Variants in BMS1 observed in about 807,000 individuals in gnomAD.
The protein encoded by BMS1 is ribosome biogenesis protein BMS1 homolog.
A neutral mutation model predicts 138.7 loss-of-function variants in BMS1; 53 were observed. The observed-to-expected ratio is 0.38, with a 90% CI of 0.31 to 0.48. BMS1 has a LOEUF of 0.48. Among genes scored for constraint, BMS1 ranks in the 20% least tolerant of loss-of-function variants. BMS1 has a pLI of 0.97. For missense variants in BMS1, 1,360 were observed against 1,565.5 expected (o/e 0.87, Z 2.22); for synonymous variants, 504 against 539.9 (o/e 0.93, Z 0.92).
chr10:42,793,685 G>T (rs1263610935), intron 8 of BMS1, among the ~76,000 whole-genome samples, 167 bp from the exon 9 acceptor site: 2 of 152,176 alleles, frequency 1.3e-5, no homozygotes, highest in East Asian at 3.9e-4. Flanking sequence ...TGGAGATGGG[G>T]ATCCATTTCA....
chr10:42,820,320 G>A lies in BMS1; in HGVS notation c.2665G>A (p.Glu889Lys). ...TCGACCTGGGATGTACGTCCGCATT[G>A]AGATTGAAAATGTTCCCTGTGAATT... is the stretch of plus-strand genomic sequence containing the variant. Reference protein sequence around the residue: ...GFRPGMYVRIEIENVPCEFVQ... With the variant: ...GFRPGMYVRIKIENVPCEFVQ... The change falls in exon 16 of 23, where the codon GAG becomes AAG. Residue 889 changes from glutamate (E) to lysine (K), a missense_variant. Around this residue, in one of 3 missense-constraint regions of BMS1, gnomAD observed 425 missense variants for 568.3 expected, o/e 0.75. Transcript: ENST00000374518. The A allele has an allele frequency of 4.3e-6, 7 of 1,613,758 alleles. No individual in the cohort carries two copies. Among genetic ancestry groups the A allele is most frequent in the Non-Finnish European group, 5.1e-6 (6 of 1,179,862 alleles).
rs879940551 is a variant in BMS1, at chr10:42,811,520, C to CTTTTTTTTTTTTT, written c.2330-5074_2330-5073insTTTTTTTTTTTTT. ...CACAAATGTTCACGTGTTGTATTTT[C>CTTTTTTTTTTTTT]TTTTTCTTTTTTTTTTTTTTTTGAG... On this transcript the variant is annotated intron_variant, in intron 13 of 22. Transcript: ENST00000374518. Among the ~76,000 whole-genome samples the CTTTTTTTTTTTTT allele has an allele frequency of 2.5e-5, 3 of 121,568 alleles. 1 individual carries two copies. Among genetic ancestry groups the CTTTTTTTTTTTTT allele is most frequent in the African/African-American group, 1.0e-4 (3 of 29,838 alleles). The allele number at this position is 121,568 out of a possible 152,430, so 79.8% of individuals were successfully genotyped here. A position where few individuals can be genotyped will look rare whatever the true frequency, so the allele number is the denominator to read the frequency against.
At chr10:42,816,971 T>A (rs1365884837) in intron 14 of BMS1, among the ~76,000 whole-genome samples, 1 of 152,234 alleles carries the variant, frequency 6.6e-6, no homozygotes, top group African/African-American at 2.4e-5. Context: ...CTCCTTTTTT[T>A]AAATTTAAGT....
rs1842825813 is a variant in BMS1, at chr10:42,832,953, A to T, written c.*1857A>T. ...TTCAACTAAAATATACAAGGCACTC[A>T]AGTCATACCATGTTTTAAGTAGCTT... On this transcript the variant is annotated 3_prime_UTR_variant, in exon 23 of 23. Transcript: ENST00000374518. The T allele has an allele frequency of 6.6e-6, 1 of 152,262 alleles. No homozygotes were observed. The highest frequency in any genetic ancestry group is 2.1e-4 in the South Asian group (1 of 4,836). The allele number at this position is 152,262 out of a possible 1,614,324, so 9.4% of individuals were successfully genotyped here.
chr10:42,791,814 A>G, intron 6 of BMS1, 45 bp downstream of exon 6: 1 of 1,561,016 alleles, frequency 6.4e-7, no homozygotes, highest in East Asian at 2.3e-5. Flanking sequence ...CATATATTTC[A>G]AAGCTAAAAA....
intron 4 of BMS1, among the ~76,000 whole-genome samples, chr10:42,789,578 A>G (rs1348272941): frequency 7.0e-6 from 1 of 142,320 alleles, no homozygotes; most frequent in African/African-American, 2.7e-5. Flanking sequence ...ACTACCATTC[A>G]TCGTAATCTT....
At chr10:42,830,622 G>A (rs1452363291) in intron 22 of BMS1, among the ~76,000 whole-genome samples, 200 bp downstream of exon 22, 1 of 152,024 alleles carries the variant, frequency 6.6e-6, no homozygotes, top group Admixed American at 6.5e-5. Context: ...CAGGTACATG[G>A]CTGGGGAACC....
chr10:42,798,575 G>A lies in BMS1; in HGVS notation c.2197G>A (p.Asp733Asn). ...RECKHKADSL[D>N]CSRFLVEAPH... is the part of the protein sequence containing the mutation. ...GTGTAAGCACAAGGCTGACTCTTTGGACTGCTCCAGATTTCTTGTGGAGGC... is the reference window on the plus strand; with the variant it reads ...GTGTAAGCACAAGGCTGACTCTTTGAACTGCTCCAGATTTCTTGTGGAGGC... Residue 733 changes from aspartate (D) to asparagine (N), a missense_variant, in exon 12 of 23, where the codon GAC becomes AAC. Physicochemically the swap from Asp to Asn is conservative, Grantham distance 23. This residue lies in a region of BMS1 where 697 missense variants were observed against 686.2 expected (regional missense o/e 1.02). Coordinates refer to ENST00000374518, the MANE Select transcript of BMS1 (RefSeq NM_014753.4). 1 of 1,614,244 alleles carries A rather than the reference G, an allele frequency of 6.2e-7. No individual in the cohort carries two copies. The highest frequency in any genetic ancestry group is 2.2e-5 in the East Asian group (1 of 44,892).
chr10:42,805,615 A>G (rs1841990182), intron 13 of BMS1, among the ~76,000 whole-genome samples: 1 of 152,202 alleles, frequency 6.6e-6, no homozygotes, highest in Admixed American at 6.5e-5. Flanking sequence ...CTGATCTATG[A>G]ACATAGTAAC....
rs879940551 is a variant in BMS1 at position 42,811,520 on chromosome 10, C to CTTTTTTTTTT, written c.2330-5074_2330-5073insTTTTTTTTTT. On this transcript the variant is annotated intron_variant, in intron 13 of 22. Transcript: ENST00000374518. Reference sequence around the variant, plus strand: ...CACAAATGTTCACGTGTTGTATTTTCTTTTTCTTTTTTTTTTTTTTTTGAG... The same window carrying CTTTTTTTTTT: ...CACAAATGTTCACGTGTTGTATTTTCTTTTTTTTTTTTTTTCTTTTTTTTTTTTTTTTGAG... Among the ~76,000 whole-genome samples, 20 of 121,578 alleles carry CTTTTTTTTTT rather than the reference C, an allele frequency of 1.6e-4. 3 individuals are homozygous for CTTTTTTTTTT. Among genetic ancestry groups the CTTTTTTTTTT allele is most frequent in the African/African-American group, 5.4e-4 (16 of 29,872 alleles). The allele number at this position is 121,578 out of a possible 152,430, so 79.8% of individuals were successfully genotyped here.
chr10:42,794,444 G>C (rs1157660189), intron 9 of BMS1, among the ~76,000 whole-genome samples: 1 of 151,682 alleles, frequency 6.6e-6, no homozygotes, highest in Non-Finnish European at 1.5e-5. Flanking sequence ...TTCCAGTCTG[G>C]GTTGGGGATT....
intron 13 of BMS1, among the ~76,000 whole-genome samples, chr10:42,806,868 A>AG (rs1227817561): frequency 2.2e-4 from 32 of 143,790 alleles, no homozygotes; most frequent in Non-Finnish European, 6.1e-5. Context: ...ACAAATACAG[A>AG]GAAAAAAAAA....
intron 1 of BMS1, among the ~76,000 whole-genome samples, 188 bp downstream of exon 1, chr10:42,783,018 C>G (rs1841203694): frequency 6.6e-6 from 1 of 151,822 alleles, no homozygotes; most frequent in African/African-American, 2.4e-5. Flanking sequence ...GTGATGAATC[C>G]CTGCAGAGAG....
Position 42,807,759 on chromosome 10 carries a change from A to C in BMS1, c.2329+5541A>C, listed in dbSNP as rs188706892. Among the ~76,000 whole-genome samples the C allele has an allele frequency of 6.3e-4, 96 of 152,272 alleles. No individual in the cohort carries two copies. In the Middle Eastern group the frequency reaches 0.027, roughly 43 times the overall value. ...GACTATTAGAATTGAGCTACTATGA[A>C]CACTTGTATAGAAGTTTTTGTGTAA... On this transcript the variant is annotated intron_variant, in intron 13 of 22. Coordinates refer to ENST00000374518, the MANE Select transcript of BMS1 (RefSeq NM_014753.4).
At chr10:42,798,664 G>A in intron 12 of BMS1, 39 bp downstream of exon 12, 1 of 1,606,500 alleles carries the variant, frequency 6.2e-7, no homozygotes, top group Non-Finnish European at 8.5e-7. Context: ...TAGAGAATTA[G>A]CGAATTGTTC....
At chr10:42,805,452 T>C (rs1420887555) in intron 13 of BMS1, among the ~76,000 whole-genome samples, 1 of 152,252 alleles carries the variant, frequency 6.6e-6, no homozygotes, top group Non-Finnish European at 1.5e-5. Flanking sequence ...CTTTTCAAAG[T>C]TGTTTTGGTT....
chr10:42,785,641 T>C lies in BMS1; in HGVS notation c.336T>C (p.Thr112=), dbSNP rs7074877. 0.42 allele frequency: 677,744 copies of C among 1,613,308 alleles called. 146,892 individuals carry two copies. The highest frequency in any genetic ancestry group is 0.6 in the African/African-American group (44,889 of 74,862). ...LIRNFTRQKL[T]EIRGPVTIVS... ...GGAACTTTACCCGGCAGAAGTTGAC[T>C]GAGATCAGAGGCCCTGTGACGATTG... Residue 112 remains threonine, a synonymous_variant, in exon 3 of 23, where the codon ACT becomes ACC. Transcript: ENST00000374518.
At chr10:42,808,897 G>A (rs528253356) in intron 13 of BMS1, among the ~76,000 whole-genome samples, 8 of 152,238 alleles carry the variant, frequency 5.3e-5, no homozygotes, top group South Asian at 2.1e-4. Context: ...TGCTGTCTAC[G>A]TTCCTGTAGC....
In BMS1 at chr10:42,831,412, TAGTAGTTTTCATTAGG is replaced by T; in HGVS notation, c.*317_*332del. 1 of 234,596 alleles carries T rather than the reference TAGTAGTTTTCATTAGG, an allele frequency of 4.3e-6. No individual in the cohort carries two copies. The highest frequency in any genetic ancestry group is 8.4e-6 in the Non-Finnish European group (1 of 119,142). 14.5% of individuals were successfully genotyped at this position (234,596 alleles called of 1,614,324 possible). A position where few individuals can be genotyped will look rare whatever the true frequency, so the allele number is the denominator to read the frequency against. On this transcript the variant is annotated 3_prime_UTR_variant, in exon 23 of 23. Transcript: ENST00000374518. The stretch of plus-strand genomic sequence containing the variant: ...AAATATTTTTTTGTTACTTTTGGCT[TAGTAGTTTTCATTAGG>T]GATGAATGCCTGACAATTCTTTGTG...
Sources: gnomAD v4.1 joint callset for allele counts (sites outside exome capture counted in the v4.1 genomes callset) on GRCh38, gnomAD v4.1.1 for gene constraint, gnomAD v4.1.1 regional missense constraint, MANE v1.5 for transcripts, NCBI Gene and HGNC (gene_info 2026-07-23, HGNC 2026-07-21) for gene names.